Variants in DMD observed in about 807,000 individuals in gnomAD.
DMD encodes the protein mutant dystrophin.
A neutral mutation model predicts 330.1 loss-of-function variants in DMD; 63 were observed. The ratio of observed to expected loss-of-function variants is 0.19; its 90% CI spans 0.16 to 0.24. The LOEUF (loss-of-function observed/expected upper bound fraction) is 0.24, where lower values mean the gene tolerates loss of function less well. DMD is among the 10% of genes least tolerant of loss of function. The probability of loss-of-function intolerance (pLI) is 1.00; values close to 1 mark genes in which losing one functional copy is unlikely to be tolerated. For synonymous variants in DMD, 1,223 were observed against 959.8 expected (o/e 1.27, Z -5.07); for missense variants, 3,344 against 2,684.1 (o/e 1.25, Z -5.43).
At chrX:31,337,155 C>T (rs2733469) in intron 61 of DMD, among the ~76,000 whole-genome samples, 4,329 of 109,691 alleles carry the variant, frequency 0.039, 81 homozygotes, top group Non-Finnish European at 0.064. Context: ...CAACTCCTGA[C>T]CTCGTGATCC....
intron 60 of DMD, among the ~76,000 whole-genome samples, chrX:31,385,996 A>G (rs1350594409): frequency 7.1e-5 from 8 of 112,401 alleles, no homozygotes; most frequent in Admixed American, 1.9e-4. Flanking sequence ...TCAATGATAG[A>G]CTGGATTAAG....
intron 53 of DMD, among the ~76,000 whole-genome samples, chrX:31,658,562 G>A (rs1015046740): frequency 8.9e-6 from 1 of 111,785 alleles, no homozygotes; most frequent in Non-Finnish European, 1.9e-5. Flanking sequence ...TATGTAATTA[G>A]TGCCATCTAC....
At chrX:31,846,097 A>G (rs1164438854) in intron 48 of DMD, among the ~76,000 whole-genome samples, 2 of 110,609 alleles carry the variant, frequency 1.8e-5, no homozygotes, top group Non-Finnish European at 3.8e-5. Flanking sequence ...TAAAAACCCA[A>G]AATAGAAGTG....
rs751521615 is a variant in DMD at position 31,182,915 on chromosome X, A to G, written c.9808-11T>C. ...TGGCTTATTATTAGCCTGCAAAGAC[A>G]GGAGGGAGAGAGAAGGAGGGCAAAA... On this transcript the variant is annotated splice_polypyrimidine_tract_variant and intron_variant, in intron 67 of 78. Coordinates refer to ENST00000357033, the MANE Select transcript of DMD (RefSeq NM_004006.3). The G allele has an allele frequency of 2.5e-6, 3 of 1,203,271 alleles. No individual in the cohort carries two copies. The highest frequency in any genetic ancestry group is 4.4e-5 in the Admixed American group (2 of 45,339).
chrX:31,259,671 C>T (rs2050314746), intron 63 of DMD, among the ~76,000 whole-genome samples: 1 of 111,588 alleles, frequency 9.0e-6, no homozygotes, highest in Non-Finnish European at 1.9e-5. Context: ...TTACATTTTT[C>T]AGGTTTTCTA....
chrX:32,256,850 T>C (rs1020840705), intron 43 of DMD, among the ~76,000 whole-genome samples: 1 of 111,878 alleles, frequency 8.9e-6, no homozygotes, highest in African/African-American at 3.2e-5. Flanking sequence ...ACCCACTCTC[T>C]TCTAGCTTGT....
chrX:31,714,602 A>C (rs2084884922), intron 52 of DMD, among the ~76,000 whole-genome samples: 1 of 111,282 alleles, frequency 9.0e-6, no homozygotes, highest in Non-Finnish European at 1.9e-5. Context: ...TAGAGGATGA[A>C]ATTTTCAATT....
chrX:32,848,896 G>A (rs2080905105), intron 3 of DMD, among the ~76,000 whole-genome samples: 1 of 110,838 alleles, frequency 9.0e-6, no homozygotes, highest in South Asian at 4.0e-4. Context: ...TTAGCGTTAA[G>A]TGTTACAGGA....
At chrX:33,157,608 A>G (rs890366500) in intron 1 of DMD, among the ~76,000 whole-genome samples, 5 of 112,135 alleles carry the variant, frequency 4.5e-5, no homozygotes, top group Non-Finnish European at 9.4e-5. Flanking sequence ...ACTACATCCA[A>G]CTTAGCAGAC....
At chrX:32,283,050 G>A (rs191853056) in intron 43 of DMD, among the ~76,000 whole-genome samples, 267 of 112,066 alleles carry the variant, frequency 2.4e-3, no homozygotes, top group African/African-American at 8.3e-3. Flanking sequence ...CAGAGGCCAT[G>A]AGTGTTCTTG....
At chrX:32,343,357 T>C in intron 39 of DMD, 71 bp from the exon 40 acceptor site, 1 of 983,181 alleles carries the variant, frequency 1.0e-6, no homozygotes, top group Middle Eastern at 2.7e-4. Flanking sequence ...CAGTTATTTA[T>C]CAAAATAATT....
intron 7 of DMD, among the ~76,000 whole-genome samples, chrX:32,771,077 A>G (rs371767910): frequency 5.3e-4 from 59 of 111,964 alleles, no homozygotes; most frequent in African/African-American, 1.8e-3. Context: ...TTGACTCCCA[A>G]TGAGCCTGGA....
chrX:32,360,359 G>A (rs754279759), intron 37 of DMD, among the ~76,000 whole-genome samples: 32 of 111,685 alleles, frequency 2.9e-4, no homozygotes, highest in Non-Finnish European at 5.5e-4. Flanking sequence ...TCATTTCATC[G>A]TGATAATAGA....
At chrX:33,228,504 G>T in intron 1 of DMD, among the ~76,000 whole-genome samples, 1 of 110,035 alleles carries the variant, frequency 9.1e-6, no homozygotes, top group Non-Finnish European at 1.9e-5. Context: ...TTGGAGAAGG[G>T]CTACTTCGAT....
chrX:32,856,988 C>T (rs778722931), intron 2 of DMD, among the ~76,000 whole-genome samples: 7 of 109,172 alleles, frequency 6.4e-5, no homozygotes, highest in Non-Finnish European at 1.3e-4. Context: ...GGCAGGAGAA[C>T]GGCGTGAACC....
chrX:31,434,451 C>CAG lies in DMD; in HGVS notation c.9084+10029_9084+10030insCT, dbSNP rs1343283289. Among the ~76,000 whole-genome samples the CAG allele has an allele frequency of 1.8e-4, 18 of 102,701 alleles. No individual in the cohort carries two copies. The South Asian group carries it at 8.1e-3, about 46-fold the overall frequency. The allele number at this position is 102,701 out of a possible 115,157, so 89.2% of individuals were successfully genotyped here. A position where few individuals can be genotyped will look rare whatever the true frequency, so the allele number is the denominator to read the frequency against. ...ACACACACACACACACACACACACA[C>CAG]ACACACACACACACACACACACATT... On this transcript the variant is annotated intron_variant, in intron 60 of 78. Transcript: ENST00000357033.
intron 71 of DMD, among the ~76,000 whole-genome samples, chrX:31,176,612 C>G (rs1020808763): frequency 3.6e-5 from 4 of 111,283 alleles, no homozygotes; most frequent in African/African-American, 1.3e-4. Flanking sequence ...CAAGCTGAAA[C>G]TGTAGTGTAT....
chrX:32,111,150 A>T (rs2096587604), intron 44 of DMD, among the ~76,000 whole-genome samples: 1 of 112,221 alleles, frequency 8.9e-6, no homozygotes, highest in Non-Finnish European at 1.9e-5. Context: ...CCATTTTCAC[A>T]TACGCATGCA....
At chrX:31,436,465 C>A (rs1162920219) in intron 60 of DMD, among the ~76,000 whole-genome samples, 2 of 103,595 alleles carry the variant, frequency 1.9e-5, no homozygotes, top group African/African-American at 7.3e-5. Flanking sequence ...CATCCTGATG[C>A]CTTCAAAAAA....
Sources: allele counts gnomAD v4.1 joint callset (sites outside exome capture counted in the v4.1 genomes callset), GRCh38; gene constraint gnomAD v4.1.1; transcripts MANE v1.5; gene names NCBI Gene and HGNC (gene_info 2026-07-23, HGNC 2026-07-21).